The following ADCY3 variants were observed in gnomAD, a reference collection of about 807,000 sequenced individuals.
The protein encoded by ADCY3 is adenylate cyclase 3.
Under a neutral mutation model 119.4 loss-of-function variants are expected in ADCY3, and 70 were observed. That is an observed-to-expected ratio of 0.59 (90% CI 0.48 to 0.72). The LOEUF (loss-of-function observed/expected upper bound fraction) is 0.72, where lower values mean the gene tolerates loss of function less well. ADCY3 is among the 30% of genes least tolerant of loss of function. The pLI is 0.00. For synonymous variants in ADCY3, 672 were observed against 621.4 expected, an observed-to-expected ratio of 1.08 and a Z score of -1.21; for missense variants, 1,238 against 1,541.6, an observed-to-expected ratio of 0.80 and a Z score of 3.30.
At chr2:24,844,397 A>G (rs530714727) in intron 3 of ADCY3, among the ~76,000 whole-genome samples, 167 of 152,178 alleles carry the variant, frequency 1.1e-3, no homozygotes, top group African/African-American at 3.8e-3. Flanking sequence ...TGTGGGTCCC[A>G]GGCCACAGGA....
chr2:24,822,889 C>T (rs1170259779), intron 18 of ADCY3, among the ~76,000 whole-genome samples: 1 of 152,218 alleles, frequency 6.6e-6, no homozygotes, highest in Non-Finnish European at 1.5e-5. Context: ...TAAAAGCATT[C>T]TCCCTGGTAT....
At chr2:24,858,218 C>T (rs1673239675) in intron 3 of ADCY3, among the ~76,000 whole-genome samples, 1 of 151,310 alleles carries the variant, frequency 6.6e-6, no homozygotes, top group Non-Finnish European at 1.5e-5. Flanking sequence ...TGGTGTTGGA[C>T]TCCTGGGCTC....
chr2:24,902,031 A>ACT (rs1491294935), intron 2 of ADCY3, among the ~76,000 whole-genome samples: 1 of 90,300 alleles, frequency 1.1e-5, no homozygotes, highest in Non-Finnish European at 2.3e-5. Context: ...ACACATTTTA[A>ACT]CTCTGTGTGT....
chr2:24,908,901 A>G (rs1375727110), intron 2 of ADCY3, among the ~76,000 whole-genome samples: 1 of 152,006 alleles, frequency 6.6e-6, no homozygotes, highest in Admixed American at 6.5e-5. Context: ...GGCCCCCCCG[A>G]CACACATTGG....
chr2:24,821,056 C>A (rs934124551), intron 20 of ADCY3: 4 of 648,196 alleles, frequency 6.2e-6, no homozygotes, highest in African/African-American at 5.6e-5. Flanking sequence ...CACCCCCCCC[C>A]CATATGCAGA....
chr2:24,890,999 G>A (rs1226871758), intron 2 of ADCY3, among the ~76,000 whole-genome samples: 4 of 152,010 alleles, frequency 2.6e-5, no homozygotes, highest in African/African-American at 9.7e-5. Flanking sequence ...AGCCTCCCAA[G>A]TAAGTGGGAT....
At chr2:24,883,381 A>G (rs945636846) in intron 2 of ADCY3, among the ~76,000 whole-genome samples, 2 of 151,994 alleles carry the variant, frequency 1.3e-5, no homozygotes, top group African/African-American at 4.8e-5. Context: ...AGCAGTGAAC[A>G]GAGGATGTGC....
At chr2:24,886,518 AC>A (rs1350558429) in intron 2 of ADCY3, among the ~76,000 whole-genome samples, 1 of 152,182 alleles carries the variant, frequency 6.6e-6, no homozygotes, top group Non-Finnish European at 1.5e-5. Context: ...TTCCCACAAG[AC>A]CTGGGCACAG....
At chr2:24,888,448 C>G (rs1019367684) in intron 2 of ADCY3, among the ~76,000 whole-genome samples, 6 of 152,212 alleles carry the variant, frequency 3.9e-5, no homozygotes, top group African/African-American at 1.4e-4. Context: ...GACCGACTAC[C>G]TCCCAGCCCA....
chr2:24,834,235 T>C lies in ADCY3; in HGVS notation c.1967+250A>G, dbSNP rs889273201. 6.6e-6 allele frequency among the ~76,000 whole-genome samples: 1 copy of C among 152,078 alleles called. No individual in the cohort carries two copies. The highest frequency in any genetic ancestry group is 2.4e-5 in the African/African-American group (1 of 41,402). On this transcript the variant is annotated intron_variant, in intron 11 of 21. Coordinates refer to ENST00000679454, the MANE Select transcript of ADCY3 (RefSeq NM_004036.5). This position sits in a 1 kb window ranked among gnomAD's most constrained non-coding sequence, Gnocchi z 4.2. ...CTTCTGGAGGCCTCTGTCCCTCAGC[T>C]CTCTTGATCCTGGCCAGATCCCCAT...
intron 9 of ADCY3, among the ~76,000 whole-genome samples, chr2:24,835,925 C>T (rs544973880): frequency 7.7e-6 from 1 of 129,616 alleles, no homozygotes; most frequent in East Asian, 2.6e-4. Flanking sequence ...GACAGCGTGA[C>T]TCCATCTCAA....
chr2:24,872,794 T>C lies in ADCY3; in HGVS notation c.676-75A>G. The stretch of plus-strand genomic sequence containing the variant: ...TCAGAAAAGGGGATGGAGAAGGGGA[T>C]GGAGGAGGTGGGGTGGGTGGTGACC... On this transcript the variant is annotated intron_variant, in intron 2 of 21. Transcript: ENST00000679454. The surrounding 1 kb of genome is among the most constrained non-coding windows in gnomAD (Gnocchi z 4.4). 1 of 1,532,154 alleles carries C rather than the reference T, an allele frequency of 6.5e-7. No individual in the cohort carries two copies. The highest frequency in any genetic ancestry group is 8.9e-7 in the Non-Finnish European group (1 of 1,121,960). 94.9% of individuals were successfully genotyped at this position (1,532,154 alleles called of 1,614,324 possible).
At chr2:24,859,399 T>C (rs1242377663) in intron 3 of ADCY3, among the ~76,000 whole-genome samples, 1 of 152,148 alleles carries the variant, frequency 6.6e-6, no homozygotes, top group Admixed American at 6.5e-5. Flanking sequence ...AGGATAACAG[T>C]GGCATGGTGG....
chr2:24,849,271 CT>C (rs1240269144), intron 3 of ADCY3, among the ~76,000 whole-genome samples: 1 of 152,192 alleles, frequency 6.6e-6, no homozygotes, highest in African/African-American at 2.4e-5. Flanking sequence ...CTCCATGCCC[CT>C]GACCACAGTA....
intron 2 of ADCY3, among the ~76,000 whole-genome samples, chr2:24,914,512 G>C (rs1453477762): frequency 6.6e-6 from 1 of 151,926 alleles, no homozygotes; most frequent in Non-Finnish European, 1.5e-5. Flanking sequence ...GTCTCTACTA[G>C]AAATACAAAA....
chr2:24,831,680 C>T lies in ADCY3; in HGVS notation c.2037G>A (p.Leu679=). The change falls in exon 12 of 22, where the codon CTG becomes CTA. Residue 679 remains leucine, a synonymous_variant. Transcript: ENST00000679454. ...CTCTTACCCGGGGAAAGATGGCAGC[C>T]AGGGAGCAGATGGTCAGGATGAGGA... ...ILLLILTICS[L]AAIFPRAFPK... is the part of the protein sequence containing the mutation. 6.2e-7 allele frequency: 1 copy of T among 1,614,054 alleles called. No homozygotes were observed. The highest frequency in any genetic ancestry group is 2.2e-5 in the East Asian group (1 of 44,884).
At position 24,899,438 on chromosome 2, in the gene ADCY3, C is replaced by A. The variant is rs1678663981; in HGVS notation, c.675+18875G>T. 1.3e-5 allele frequency among the ~76,000 whole-genome samples: 2 copies of A among 152,242 alleles called. No individual in the cohort carries two copies. Among genetic ancestry groups the A allele is most frequent in the Non-Finnish European group, 2.9e-5 (2 of 68,048 alleles). Reference sequence around the variant, plus strand: ...CTGCTGTCACCCCAGCCACCTCTGCCACCAGCCTGCCAGGCAAAACTGTCC... The same window carrying A: ...CTGCTGTCACCCCAGCCACCTCTGCAACCAGCCTGCCAGGCAAAACTGTCC... On this transcript the variant is annotated intron_variant, in intron 2 of 21. Coordinates refer to ENST00000679454, the MANE Select transcript of ADCY3 (RefSeq NM_004036.5). This position sits in a 1 kb window ranked among gnomAD's most constrained non-coding sequence, Gnocchi z 4.5.
At chr2:24,836,480 C>T (rs1481170598) in intron 9 of ADCY3, among the ~76,000 whole-genome samples, 1 of 152,238 alleles carries the variant, frequency 6.6e-6, no homozygotes, top group Non-Finnish European at 1.5e-5. Context: ...TCTGGGACAG[C>T]ATGCTAATTC....
intron 2 of ADCY3, among the ~76,000 whole-genome samples, chr2:24,876,944 T>G (rs1449531803): frequency 6.6e-6 from 1 of 152,118 alleles, no homozygotes; most frequent in Non-Finnish European, 1.5e-5. Flanking sequence ...TTTTTAGAAC[T>G]CTTCTCCCTC....
Sources: allele counts gnomAD v4.1 joint callset (sites outside exome capture counted in the v4.1 genomes callset), GRCh38; gene constraint gnomAD v4.1.1; non-coding constraint Gnocchi (gnomAD v3.1); transcripts MANE v1.5; gene names NCBI Gene and HGNC (gene_info 2026-07-23, HGNC 2026-07-21).